Variants in CELF2 observed in about 807,000 individuals in gnomAD.
CELF2 encodes the protein CUGBP Elav-like family member 2, also known as CUG triplet repeat RNA-binding protein 2.
In CELF2, 8 loss-of-function variants were observed where a neutral mutation model predicts 62.6. That is an observed-to-expected ratio of 0.13 (90% CI 0.07 to 0.23). CELF2 has a LOEUF of 0.23. Ranked by LOEUF, CELF2 falls within the 10% of genes least tolerant of loss-of-function variation. The pLI is 1.00. For missense variants in CELF2, 333 were observed against 671.0 expected, an observed-to-expected ratio of 0.50 and a Z score of 5.56; for synonymous variants, 258 against 250.0, an observed-to-expected ratio of 1.03 and a Z score of -0.30.
In CELF2 at chr10:11,046,679, G is replaced by GA. The variant is rs1038937647; in HGVS notation, c.74+28518dup. On this transcript the variant is annotated intron_variant, in intron 1 of 12. Coordinates refer to ENST00000633077, the MANE Select transcript of CELF2 (RefSeq NM_001326342.2). The surrounding 1 kb of genome is among the most constrained non-coding windows in gnomAD (Gnocchi z 4.6). ...AGACGGACGCTAATAACAGCCCGCA[G>GA]AACCCTCAGGACCCATACAGGAATG... Among the ~76,000 whole-genome samples, 3 of 152,104 alleles carry GA rather than the reference G, an allele frequency of 2.0e-5. No individual in the cohort carries two copies. Among genetic ancestry groups the GA allele is most frequent in the Non-Finnish European group, 4.4e-5 (3 of 68,020 alleles).
upstream of CELF2, among the ~76,000 whole-genome samples, chr10:11,017,507 G>T (rs1184716029): frequency 6.6e-6 from 1 of 152,160 alleles, no homozygotes; most frequent in African/African-American, 2.4e-5. The surrounding 1 kb of genome is among the most constrained non-coding windows in gnomAD (Gnocchi z 5.5). Flanking sequence ...TCCTGCCCGG[G>T]CAAGCACACC....
the CELF2 span, among the ~76,000 whole-genome samples, chr10:10,575,988 A>C: frequency 6.6e-6 from 1 of 152,228 alleles, no homozygotes; most frequent in African/African-American, 2.4e-5. Flanking sequence ...ATCAAATCAA[A>C]GTAGACATTT....
chr10:11,190,482 A>G (rs2076030715), intron 2 of CELF2, among the ~76,000 whole-genome samples: 1 of 152,132 alleles, frequency 6.6e-6, no homozygotes, highest in Non-Finnish European at 1.5e-5. Context: ...AAAAAAAATG[A>G]ACACTAAAGG....
chr10:11,251,270 ATTTTTTTTTTTTT>A (rs66615560), intron 4 of CELF2, among the ~76,000 whole-genome samples: 1 of 63,300 alleles, frequency 1.6e-5, no homozygotes, highest in African/African-American at 6.7e-5. Flanking sequence ...ACACAAAGGG[ATTTTTTTTTTTTT>A]TTTTTTTTTT....
chr10:10,527,261 A>G, the CELF2 span, among the ~76,000 whole-genome samples: 1 of 151,998 alleles, frequency 6.6e-6, no homozygotes. Context: ...GGCCAACATG[A>G]CGAAACCCCA....
At chr10:10,745,131 AAC>A in the CELF2 span, among the ~76,000 whole-genome samples, 34,635 of 119,180 alleles carry the variant, frequency 0.29, 4,421 homozygotes, top group South Asian at 0.51. Context: ...AAAAAAACAA[AAC>A]AAAAAAAAAC....
intron 1 of CELF2, among the ~76,000 whole-genome samples, chr10:11,044,768 T>A (rs919989936): frequency 3.3e-5 from 5 of 152,246 alleles, no homozygotes; most frequent in Non-Finnish European, 7.3e-5. Flanking sequence ...CTCACTTATA[T>A]ATACATAGAG....
chr10:10,997,003 C>G lies in CELF2; in HGVS notation c.89+77004C>G, dbSNP rs1250530368. Among the ~76,000 whole-genome samples, 2 of 152,200 alleles carry G rather than the reference C, an allele frequency of 1.3e-5. No individual in the cohort carries two copies. Among genetic ancestry groups the G allele is most frequent in the African/African-American group, 4.8e-5 (2 of 41,454 alleles). On this transcript the variant is annotated intron_variant, in intron 2 of 13. Transcript: ENST00000636488. The surrounding 1 kb of genome is among the most constrained non-coding windows in gnomAD (Gnocchi z 5.3). ...GAAACATCAGAATTATCTTCAACTC[C>G]TTGGTTTTCTTCATTCCACCCACTC...
At chr10:10,692,356 C>T in the CELF2 span, among the ~76,000 whole-genome samples, 2 of 151,296 alleles carry the variant, frequency 1.3e-5, no homozygotes, top group Non-Finnish European at 2.9e-5. Context: ...CTGTTCTGTT[C>T]CATTGATCTA....
At chr10:11,105,385 C>T (rs938405914) in intron 1 of CELF2, 1 of 152,162 alleles carries the variant, frequency 6.6e-6, no homozygotes, top group African/African-American at 2.4e-5. Context: ...AGTGGTGTTA[C>T]GGAGACCAAG....
chr10:10,646,833 A>G, the CELF2 span, among the ~76,000 whole-genome samples: 3 of 152,186 alleles, frequency 2.0e-5, no homozygotes, highest in Non-Finnish European at 1.5e-5. Context: ...ACTTAGCTGC[A>G]CAATTTTGTG....
At chr10:10,835,536 C>G (rs985158919) in intron 1 of CELF2, among the ~76,000 whole-genome samples, 2 of 152,072 alleles carry the variant, frequency 1.3e-5, no homozygotes, top group Non-Finnish European at 2.9e-5. Flanking sequence ...ATGCCCGAAA[C>G]CACACCCAGC....
chr10:10,501,761 T>G, the CELF2 span, among the ~76,000 whole-genome samples: 1 of 152,148 alleles, frequency 6.6e-6, no homozygotes, highest in Non-Finnish European at 1.5e-5. Context: ...TTGCATGACT[T>G]TATTTACTTT....
intron 1 of CELF2, among the ~76,000 whole-genome samples, chr10:10,884,931 G>A (rs2061661349): frequency 6.6e-6 from 1 of 152,190 alleles, no homozygotes; most frequent in Non-Finnish European, 1.5e-5. Flanking sequence ...TAAGCACTTA[G>A]TAAGTGATTT....
chr10:10,486,746 G>A, the CELF2 span, among the ~76,000 whole-genome samples: 1 of 152,110 alleles, frequency 6.6e-6, no homozygotes. Flanking sequence ...ACCTATATTG[G>A]ATTTTGAAAA....
intron 1 of CELF2, among the ~76,000 whole-genome samples, chr10:11,121,636 A>G (rs1051514055): frequency 3.3e-5 from 5 of 152,178 alleles, no homozygotes; most frequent in Admixed American, 2.6e-4. Context: ...AAAAATAAAT[A>G]TAAGTTAATA....
intron 1 of CELF2, among the ~76,000 whole-genome samples, chr10:10,865,854 C>A (rs1351989727): frequency 6.6e-6 from 1 of 151,234 alleles, no homozygotes; most frequent in Non-Finnish European, 1.5e-5. Flanking sequence ...TGAAGATAAG[C>A]CTGTTTGAGC....
the CELF2 span, among the ~76,000 whole-genome samples, chr10:10,664,405 G>C: frequency 1.3e-5 from 2 of 152,210 alleles, no homozygotes; most frequent in African/African-American, 4.8e-5. Flanking sequence ...AATGATGGTA[G>C]AGGTGTTTTC....
intron 5 of CELF2, among the ~76,000 whole-genome samples, chr10:11,258,707 T>C (rs1189920569): frequency 2.0e-5 from 3 of 152,176 alleles, no homozygotes; most frequent in Admixed American, 6.5e-5. Context: ...AATGTGTTTT[T>C]CACTTCTTTT....
Sources: gnomAD v4.1 joint callset for allele counts (sites outside exome capture counted in the v4.1 genomes callset) on GRCh38, gnomAD v4.1.1 for gene constraint, Gnocchi (gnomAD v3.1) non-coding constraint, MANE v1.5 for transcripts, NCBI Gene and HGNC (gene_info 2026-07-23, HGNC 2026-07-21) for gene names.